ULK4: variants seen among roughly 807,000 people sequenced by gnomAD.
ULK4 encodes inactive serine/threonine-protein kinase ULK4.
A neutral mutation model predicts 160.6 loss-of-function variants in ULK4; 133 were observed. The ratio of observed to expected loss-of-function variants is 0.83; its 90% CI spans 0.72 to 0.96. The LOEUF is 0.96. Among genes scored for constraint, ULK4 ranks in the 40% least tolerant of loss-of-function variants. ULK4 has a pLI of 0.00. For synonymous variants in ULK4, 534 were observed against 539.8 expected, an observed-to-expected ratio of 0.99 and a Z score of 0.15; for missense variants, 1,580 against 1,499.5, an observed-to-expected ratio of 1.05 and a Z score of -0.89.
chr3:41,333,524 T>C (rs1373824032), intron 35 of ULK4, among the ~76,000 whole-genome samples: 1 of 152,180 alleles, frequency 6.6e-6, no homozygotes, highest in Non-Finnish European at 1.5e-5. Flanking sequence ...TACTCTTTCT[T>C]TGTCTTGGTG....
chr3:41,814,816 A>G (rs1348766670), intron 19 of ULK4, among the ~76,000 whole-genome samples: 1 of 151,942 alleles, frequency 6.6e-6, no homozygotes, highest in Non-Finnish European at 1.5e-5. Context: ...GATTAGGTAC[A>G]TATGACGTGT....
At chr3:41,743,417 A>AC (rs2125883247) in intron 22 of ULK4, among the ~76,000 whole-genome samples, 1 of 151,966 alleles carries the variant, frequency 6.6e-6, no homozygotes, top group Non-Finnish European at 1.5e-5. Context: ...AGAAAAAGTA[A>AC]CCTTTTTTTC....
At chr3:41,506,115 A>G (rs1041000777) in intron 32 of ULK4, among the ~76,000 whole-genome samples, 1 of 152,236 alleles carries the variant, frequency 6.6e-6, no homozygotes, top group Non-Finnish European at 1.5e-5. Context: ...CAGTGCTTAT[A>G]TTAATGTAAT....
intron 17 of ULK4, among the ~76,000 whole-genome samples, chr3:41,853,583 C>T (rs13433805): frequency 2.6e-5 from 4 of 152,072 alleles, no homozygotes; most frequent in African/African-American, 4.8e-5. Flanking sequence ...TTGTTTTTCT[C>T]GAGCAGCTAA....
intron 22 of ULK4, among the ~76,000 whole-genome samples, chr3:41,725,690 T>C (rs1052915997): frequency 6.6e-5 from 10 of 152,230 alleles, no homozygotes; most frequent in African/African-American, 2.4e-4. Context: ...ACTGTCTCTC[T>C]TGTTGATTTT....
At chr3:41,387,443 T>C (rs1575498711) in intron 35 of ULK4, among the ~76,000 whole-genome samples, 2 of 152,280 alleles carry the variant, frequency 1.3e-5, no homozygotes, top group East Asian at 3.9e-4. Context: ...TACATATGTA[T>C]ACATGTGCCA....
chr3:41,620,724 C>G (rs1315232343), intron 30 of ULK4, among the ~76,000 whole-genome samples: 1 of 152,158 alleles, frequency 6.6e-6, no homozygotes, highest in Non-Finnish European at 1.5e-5. Context: ...GATGCCCTCT[C>G]TCACCACTCC....
intron 17 of ULK4, among the ~76,000 whole-genome samples, chr3:41,873,183 T>TTATCTCTC (rs948375867): frequency 1.3e-5 from 2 of 151,784 alleles, no homozygotes; most frequent in Non-Finnish European, 2.9e-5. Flanking sequence ...AACTAACTTG[T>TTATCTCTC]TATCTCTCTA....
At chr3:41,833,365 G>A (rs939386187) in intron 18 of ULK4, among the ~76,000 whole-genome samples, 7 of 150,294 alleles carry the variant, frequency 4.7e-5, no homozygotes, top group Admixed American at 4.0e-4. Flanking sequence ...GCGCAATCTC[G>A]GCTCACTGCA....
chr3:41,824,524 C>A (rs950265635), intron 18 of ULK4, among the ~76,000 whole-genome samples: 4 of 152,208 alleles, frequency 2.6e-5, no homozygotes, highest in Non-Finnish European at 5.9e-5. Context: ...TTATATCCCA[C>A]GCCTGGCTCG....
intron 35 of ULK4, among the ~76,000 whole-genome samples, chr3:41,309,737 C>T (rs61408216): frequency 0.012 from 1,798 of 152,088 alleles, 33 homozygotes; most frequent in African/African-American, 0.04. Flanking sequence ...TTCTAAAACA[C>T]AGGTTTTATC....
chr3:41,628,898 GATTT>G (rs1196511672), intron 30 of ULK4, among the ~76,000 whole-genome samples: 1 of 152,154 alleles, frequency 6.6e-6, no homozygotes, highest in African/African-American at 2.4e-5. Flanking sequence ...AATGACTTCT[GATTT>G]ATTTGACTCT....
At chr3:41,489,223 C>G (rs932264322) in intron 32 of ULK4, among the ~76,000 whole-genome samples, 1 of 152,162 alleles carries the variant, frequency 6.6e-6, no homozygotes, top group African/African-American at 2.4e-5. Context: ...ATTTTTCTTA[C>G]TAAAGTCATG....
At chr3:41,795,388 G>A (rs1356923661) in intron 20 of ULK4, among the ~76,000 whole-genome samples, 1 of 152,060 alleles carries the variant, frequency 6.6e-6, no homozygotes, top group Non-Finnish European at 1.5e-5. Context: ...CAGTAAAGAG[G>A]GGAGTTTAAT....
chr3:41,394,220 C>A (rs2082010599), intron 35 of ULK4, among the ~76,000 whole-genome samples: 1 of 152,010 alleles, frequency 6.6e-6, no homozygotes, highest in Non-Finnish European at 1.5e-5. Flanking sequence ...AGTAGGCCAA[C>A]AATTACAAAA....
chr3:41,274,445 C>T (rs1354579832), intron 35 of ULK4, among the ~76,000 whole-genome samples: 10 of 152,164 alleles, frequency 6.6e-5, no homozygotes, highest in African/African-American at 1.2e-4. Context: ...TTGTGCTCTG[C>T]GCTGCCCACT....
intron 30 of ULK4, among the ~76,000 whole-genome samples, chr3:41,634,481 G>A (rs1457447592): frequency 2.0e-5 from 3 of 152,224 alleles, no homozygotes; most frequent in South Asian, 2.1e-4. Flanking sequence ...TGGGTCACAT[G>A]AGGCAGGAAT....
chr3:41,370,754 T>C (rs1210105224), intron 35 of ULK4, among the ~76,000 whole-genome samples: 9 of 152,150 alleles, frequency 5.9e-5, no homozygotes, highest in Non-Finnish European at 1.2e-4. Flanking sequence ...CAGGAGTATT[T>C]TTCCAAACCC....
intron 11 of ULK4, among the ~76,000 whole-genome samples, chr3:41,909,989 C>T (rs1014086573): frequency 2.6e-5 from 4 of 152,114 alleles, no homozygotes; most frequent in South Asian, 2.1e-4. Flanking sequence ...CTCCACCACC[C>T]GGGTTCAAGT....
Sources: gnomAD v4.1 joint callset for allele counts (sites outside exome capture counted in the v4.1 genomes callset) on GRCh38, gnomAD v4.1.1 for gene constraint, MANE v1.5 for transcripts, NCBI Gene and HGNC (gene_info 2026-07-23, HGNC 2026-07-21) for gene names.